Variants in KAZN observed in about 807,000 individuals in gnomAD.
KAZN encodes kazrin, periplakin interacting protein.
A neutral mutation model predicts 87.4 loss-of-function variants in KAZN; 40 were observed. The ratio of observed to expected loss-of-function variants is 0.46; its 90% CI spans 0.36 to 0.60. KAZN has a LOEUF of 0.60. Among genes scored for constraint, KAZN ranks in the 20% least tolerant of loss-of-function variants. KAZN has a pLI of 0.00. For synonymous variants in KAZN, 466 were observed against 458.3 expected (o/e 1.02, Z -0.22); for missense variants, 898 against 1,073.9 (o/e 0.84, Z 2.29).
At chr1:14,240,794 A>G (rs1267576359) in intron 2 of KAZN, among the ~76,000 whole-genome samples, 1 of 152,152 alleles carries the variant, frequency 6.6e-6, no homozygotes, top group East Asian at 1.9e-4. Context: ...AATCTTCTAT[A>G]TTGGAGCCAG....
At chr1:14,619,049 G>A (rs929424740) in intron 1 of KAZN, among the ~76,000 whole-genome samples, 1 of 152,152 alleles carries the variant, frequency 6.6e-6, no homozygotes, top group Non-Finnish European at 1.5e-5. Flanking sequence ...CTCAAGATCT[G>A]GGTGGGATGG....
At chr1:14,388,920 G>A (rs1388070438) in intron 2 of KAZN, among the ~76,000 whole-genome samples, 1 of 151,942 alleles carries the variant, frequency 6.6e-6, no homozygotes, top group Non-Finnish European at 1.5e-5. Flanking sequence ...AAAACCCACA[G>A]AATGAGATAA....
At chr1:13,961,667 T>TAAC (rs1641758167) in intron 1 of KAZN, among the ~76,000 whole-genome samples, 1 of 152,148 alleles carries the variant, frequency 6.6e-6, no homozygotes, top group African/African-American at 2.4e-5. Flanking sequence ...GACATTGAAG[T>TAAC]AACAATTTTC....
At chr1:14,641,761 T>A (rs1297098412) in intron 1 of KAZN, among the ~76,000 whole-genome samples, 12 of 152,202 alleles carry the variant, frequency 7.9e-5, no homozygotes, top group Admixed American at 7.8e-4. Context: ...GAAAGTTCCA[T>A]TACACTTGGA....
chr1:14,348,772 A>C (rs1658303896), intron 2 of KAZN, among the ~76,000 whole-genome samples: 1 of 152,228 alleles, frequency 6.6e-6, no homozygotes, highest in Admixed American at 6.5e-5. Context: ...GGTCTTGTAC[A>C]ATTTTCTCAA....
At chr1:14,199,351 C>T (rs1362354450) in intron 2 of KAZN, among the ~76,000 whole-genome samples, 3 of 152,166 alleles carry the variant, frequency 2.0e-5, no homozygotes, top group African/African-American at 4.8e-5. Context: ...TGTGAGTAGA[C>T]GGCTCTCTGT....
Position 14,863,809 on chromosome 1 carries a change from G to A in KAZN, c.227-96875G>A, listed in dbSNP as rs377352060. ...CTGGTCCTTGAAGGATGAATGAGTCGGAGTAGGGGCACAGAGGCATTTCAG... is the reference window on the plus strand; with the variant it reads ...CTGGTCCTTGAAGGATGAATGAGTCAGAGTAGGGGCACAGAGGCATTTCAG... On this transcript the variant is annotated intron_variant, in intron 1 of 14. Coordinates refer to ENST00000376030, the MANE Select transcript of KAZN (RefSeq NM_201628.3). Among the ~76,000 whole-genome samples, 31 of 152,220 alleles carry A rather than the reference G, an allele frequency of 2.0e-4. No homozygotes were observed. The East Asian group carries it at 4.6e-3, about 23-fold the overall frequency.
chr1:14,898,477 G>A (rs1655505927), intron 1 of KAZN, among the ~76,000 whole-genome samples: 1 of 152,204 alleles, frequency 6.6e-6, no homozygotes, highest in Non-Finnish European at 1.5e-5. Context: ...TCAGCAGATA[G>A]GGGTTGGGGT....
intron 1 of KAZN, among the ~76,000 whole-genome samples, chr1:14,858,694 A>C (rs1277655435): frequency 6.6e-6 from 1 of 152,238 alleles, no homozygotes; most frequent in Non-Finnish European, 1.5e-5. Flanking sequence ...CTAGAATTGA[A>C]GACAACATAC....
chr1:14,868,086 C>T (rs61773572), intron 1 of KAZN, among the ~76,000 whole-genome samples: 46,955 of 151,498 alleles, frequency 0.31, 7,943 homozygotes, highest in South Asian at 0.43. Flanking sequence ...GCATCACATA[C>T]GCACGGTATC....
chr1:13,905,012 G>A (rs1639385169), intron 1 of KAZN, among the ~76,000 whole-genome samples: 1 of 152,032 alleles, frequency 6.6e-6, no homozygotes, highest in African/African-American at 2.4e-5. Context: ...TTCTAGCTGT[G>A]TCTAATCTTC....
At chr1:14,477,395 G>C (rs1668801128) in intron 2 of KAZN, among the ~76,000 whole-genome samples, 1 of 148,384 alleles carries the variant, frequency 6.7e-6, no homozygotes, top group African/African-American at 2.5e-5. Context: ...CATGAAAACA[G>C]ACTAATATAC....
At chr1:14,804,907 G>A (rs1242321935) in intron 1 of KAZN, among the ~76,000 whole-genome samples, 1 of 152,122 alleles carries the variant, frequency 6.6e-6, no homozygotes. Flanking sequence ...ATGGGTGGAG[G>A]TCTTGGTGAC....
chr1:14,058,705 A>G (rs554655561), intron 1 of KAZN, among the ~76,000 whole-genome samples: 1 of 152,318 alleles, frequency 6.6e-6, no homozygotes, highest in South Asian at 2.1e-4. Flanking sequence ...GTATTTCAAG[A>G]AGAAGTGATT....
intron 1 of KAZN, among the ~76,000 whole-genome samples, chr1:13,974,633 A>G (rs550861479): frequency 6.6e-6 from 1 of 152,168 alleles, no homozygotes; most frequent in Non-Finnish European, 1.5e-5. Context: ...CTGCTGCCAC[A>G]AGTCAAGGAA....
chr1:14,094,499 C>A (rs1444991060), intron 1 of KAZN, among the ~76,000 whole-genome samples: 2 of 152,272 alleles, frequency 1.3e-5, no homozygotes, highest in East Asian at 1.9e-4. Context: ...TTTAAATTAA[C>A]TACACAGTAT....
chr1:14,860,817 T>C (rs1262645687), intron 1 of KAZN, among the ~76,000 whole-genome samples: 1 of 152,220 alleles, frequency 6.6e-6, no homozygotes, highest in Admixed American at 6.5e-5. Context: ...AAATATAAAG[T>C]CTTTTCTCAA....
At chr1:14,740,553 A>ACCCC in intron 1 of KAZN, among the ~76,000 whole-genome samples, 1 of 151,806 alleles carries the variant, frequency 6.6e-6, no homozygotes, top group East Asian at 1.9e-4. Context: ...CGCCCCCCCA[A>ACCCC]AAAAATGAAT....
chr1:13,970,507 T>C (rs1042395095), intron 1 of KAZN, among the ~76,000 whole-genome samples: 2 of 152,202 alleles, frequency 1.3e-5, no homozygotes, highest in African/African-American at 2.4e-5. Flanking sequence ...GGGTCTGACT[T>C]GCAAACGTTC....
Sources: gnomAD v4.1 joint callset for allele counts (sites outside exome capture counted in the v4.1 genomes callset) on GRCh38, gnomAD v4.1.1 for gene constraint, MANE v1.5 for transcripts, NCBI Gene and HGNC (gene_info 2026-07-23, HGNC 2026-07-21) for gene names.